VWDE: variants seen among roughly 807,000 people sequenced by gnomAD.
VWDE encodes von Willebrand factor D and EGF domain-containing protein.
A neutral mutation model predicts 178.4 loss-of-function variants in VWDE; 207 were observed. That is an observed-to-expected ratio of 1.16 (90% confidence interval 1.04 to 1.30). VWDE has a LOEUF of 1.30. VWDE is among the 50% of genes most tolerant of loss of function. The pLI is 0.00. For missense variants in VWDE, 2,287 were observed against 1,901.3 expected (o/e 1.20, Z -3.77); for synonymous variants, 738 against 651.4 (o/e 1.13, Z -2.02).
rs900241940 is a variant in VWDE at position 12,375,096 on chromosome 7, C to T, written c.1156G>A (p.Asp386Asn). Residue 386 changes from aspartate (D) to asparagine (N), a missense_variant, in exon 8 of 29, where the codon GAT becomes AAT. Asp to Asn is a conservative substitution (Grantham distance 23). Transcript: ENST00000275358. ...YYTAVTDFSR[D>N]GDRVSNIVVQ... ...ACAATGTTTGAGACTCTATCTCCAT[C>T]TCGAGAAAAATCTGTGACAGCAGTG... 4 of 1,551,164 alleles carry T rather than the reference C, an allele frequency of 2.6e-6. No individual in the cohort carries two copies. The African/African-American group carries it at 5.5e-5, about 21-fold the overall frequency.
At chr7:12,396,499 G>A (rs1370512267) in intron 1 of VWDE, among the ~76,000 whole-genome samples, 2 of 152,060 alleles carry the variant, frequency 1.3e-5, no homozygotes, top group Non-Finnish European at 2.9e-5. Context: ...AAAGATTTGA[G>A]AAAGAGAAAA....
At chr7:12,402,555 T>C (rs985001827) in intron 1 of VWDE, among the ~76,000 whole-genome samples, 1 of 152,168 alleles carries the variant, frequency 6.6e-6, no homozygotes, top group African/African-American at 2.4e-5. Context: ...AAACATGAAA[T>C]CATCTTCCTT....
Position 12,337,103 on chromosome 7 carries a change from A to T in VWDE, c.4463-20T>A. On this transcript the variant is annotated intron_variant, in intron 25 of 28. Coordinates refer to ENST00000275358, the MANE Select transcript of VWDE (RefSeq NM_001135924.3). ...AGATGCCTTAAGGTAAAAGCATGAAAAGTCAGCCCTTAAATTCAACAGTTT... is the reference window on the plus strand; with the variant it reads ...AGATGCCTTAAGGTAAAAGCATGAATAGTCAGCCCTTAAATTCAACAGTTT... The T allele has an allele frequency of 6.4e-7, 1 of 1,551,458 alleles. No individual in the cohort carries two copies. Among genetic ancestry groups the T allele is most frequent in the Non-Finnish European group, 8.7e-7 (1 of 1,146,774 alleles).
intron 21 of VWDE, 24 bp from the exon 22 acceptor site, chr7:12,343,202 A>T (rs1781421646): frequency 6.6e-7 from 1 of 1,503,836 alleles, no homozygotes; most frequent in Non-Finnish European, 9.0e-7. Context: ...TTATGTTATT[A>T]TGTCAGTTCT....
chr7:12,387,331 T>C (rs1164455223), intron 3 of VWDE, among the ~76,000 whole-genome samples: 1 of 151,964 alleles, frequency 6.6e-6, no homozygotes, highest in African/African-American at 2.4e-5. Flanking sequence ...TCATTGTTTT[T>C]ATGAAAAAAG....
At chr7:12,372,930 A>T in intron 10 of VWDE, 47 bp downstream of exon 10, 1 of 1,510,016 alleles carries the variant, frequency 6.6e-7, no homozygotes, top group Non-Finnish European at 8.9e-7. Context: ...GTTTATCTGA[A>T]AGGAGAAAAA....
Position 12,343,198 on chromosome 7 carries a change from T to C in VWDE, c.4079-20A>G, listed in dbSNP as rs1221379570. The C allele has an allele frequency of 2.6e-6, 4 of 1,520,800 alleles. No individual in the cohort carries two copies. The highest frequency in any genetic ancestry group is 4.0e-5 in the Admixed American group (2 of 49,942). The allele number at this position is 1,520,800 out of a possible 1,614,324, so 94.2% of individuals were successfully genotyped here. Reference sequence around the variant, plus strand: ...AATGTTCTGCAGAAACAGATTATGTTATTATGTCAGTTCTTAATTTTTAAA... The same window carrying C: ...AATGTTCTGCAGAAACAGATTATGTCATTATGTCAGTTCTTAATTTTTAAA... On this transcript the variant is annotated intron_variant, in intron 21 of 28. Coordinates refer to ENST00000275358, the MANE Select transcript of VWDE (RefSeq NM_001135924.3).
In VWDE at chr7:12,370,872, A is replaced by C; in HGVS notation, c.1588-8T>G. 6.6e-7 allele frequency: 1 copy of C among 1,506,086 alleles called. No homozygotes were observed. The highest frequency in any genetic ancestry group is 2.5e-5 in the East Asian group (1 of 40,254). The allele number at this position is 1,506,086 out of a possible 1,614,324, so 93.3% of individuals were successfully genotyped here. A position where few individuals can be genotyped will look rare whatever the true frequency, so the allele number is the denominator to read the frequency against. On this transcript the variant is annotated splice_region_variant and splice_polypyrimidine_tract_variant and intron_variant, in intron 10 of 28. Coordinates refer to ENST00000275358, the MANE Select transcript of VWDE (RefSeq NM_001135924.3). ...CCCAGAAGAAAACCAGATCTGAAAA[A>C]CAGAAATAAATACAGAAATAAAAGA...
chr7:12,387,246 T>C (rs1011820852), intron 3 of VWDE, among the ~76,000 whole-genome samples: 3 of 152,082 alleles, frequency 2.0e-5, no homozygotes, highest in Non-Finnish European at 4.4e-5. Flanking sequence ...CCAATAATGA[T>C]ATATTACATC....
At chr7:12,364,196 CGATA>C (rs542565688) in intron 13 of VWDE, among the ~76,000 whole-genome samples, 145 of 151,950 alleles carry the variant, frequency 9.5e-4, no homozygotes, top group Admixed American at 1.4e-3. Flanking sequence ...ATAGATAAAC[CGATA>C]GATAGGTAGT....
intron 3 of VWDE, among the ~76,000 whole-genome samples, chr7:12,384,607 G>A (rs748516023): frequency 1.3e-5 from 2 of 152,074 alleles, no homozygotes; most frequent in African/African-American, 4.8e-5. Context: ...GAGATTTACA[G>A]AGTATATGTG....
At position 12,370,045 on chromosome 7, in the gene VWDE, T is replaced by C. The variant is rs1330887285; in HGVS notation, c.2261A>G (p.Asn754Ser). Reference protein sequence around the residue: ...YNRQNRWKRQNFHEFPPLFAF... With the variant: ...YNRQNRWKRQSFHEFPPLFAF... ...AAACAAAGGAGGAAACTCATGAAAG[T>C]TCTGCCGTTTCCATCTGTTTTGTCG... The change falls in exon 12 of 29, where the codon AAC (asparagine) becomes AGC (serine). Residue 754 changes from asparagine to serine, a missense_variant. Asn to Ser is a conservative substitution (Grantham distance 46, BLOSUM62 1). Transcript: ENST00000275358. 2 of 1,551,552 alleles carry C rather than the reference T, an allele frequency of 1.3e-6. No homozygotes were observed. The highest frequency in any genetic ancestry group is 1.7e-6 in the Non-Finnish European group (2 of 1,146,908).
chr7:12,377,866 T>A lies in VWDE; in HGVS notation c.934A>T (p.Ile312Leu), dbSNP rs903542462. The change falls in exon 7 of 29, where the codon ATA becomes TTA. Residue 312 changes from isoleucine to leucine, a missense_variant. Ile to Leu is a conservative substitution (Grantham distance 5). Transcript: ENST00000275358. Reference protein sequence around the residue: ...SEDGKEYYLRIESTVPIICSE... With the variant: ...SEDGKEYYLRLESTVPIICSE... ...CAAATAATAGGAACTGTGCTTTCTA[T>A]CCTCAGGTAGTATTCTTTCCCATCC... 1.2e-5 allele frequency: 19 copies of A among 1,528,646 alleles called. No individual in the cohort carries two copies. Among genetic ancestry groups the A allele is most frequent in the South Asian group, 3.8e-5 (3 of 77,964 alleles). 94.7% of individuals were successfully genotyped at this position (1,528,646 alleles called of 1,614,324 possible).
At chr7:12,368,089 C>T (rs537560941) in intron 12 of VWDE, among the ~76,000 whole-genome samples, 6 of 150,626 alleles carry the variant, frequency 4.0e-5, no homozygotes, top group Non-Finnish European at 7.4e-5. Context: ...TTTTTTAAAG[C>T]CTGGGTTACT....
intron 7 of VWDE, among the ~76,000 whole-genome samples, chr7:12,376,908 C>T (rs1465591099): frequency 1.3e-5 from 2 of 151,864 alleles, no homozygotes; most frequent in African/African-American, 4.8e-5. Flanking sequence ...TCTCTCTCTC[C>T]TGGCTTTTTT....
intron 27 of VWDE, among the ~76,000 whole-genome samples, chr7:12,334,846 A>G (rs1780926849): frequency 1.3e-5 from 2 of 152,142 alleles, no homozygotes; most frequent in African/African-American, 4.8e-5. Flanking sequence ...CAGAACAAGC[A>G]CCCAAGTTGA....
Position 12,389,297 on chromosome 7 carries a change from G to T in VWDE, c.305C>A (p.Pro102Gln), listed in dbSNP as rs1391382084. ...CAATTGCTTGATCTCCCCAGGAGAT[G>T]GCAGTGTTTCTGAATCTCTCAGAGA... The part of the protein sequence containing the change: ...WLSLRDSETL[P>Q]SPGEIKQLTA... Residue 102 changes from proline (P) to glutamine (Q), a missense_variant, in exon 3 of 29, where the codon CCA becomes CAA. Physicochemically the swap from Pro to Gln is moderately conservative, Grantham distance 76. Coordinates refer to ENST00000275358, the MANE Select transcript of VWDE (RefSeq NM_001135924.3). The T allele has an allele frequency of 1.9e-6, 3 of 1,551,422 alleles. No individual in the cohort carries two copies. In the Admixed American group the frequency reaches 5.9e-5, roughly 30 times the overall value.
chr7:12,340,357 C>T lies in VWDE; in HGVS notation c.4331G>A (p.Cys1444Tyr), dbSNP rs781711766. The change falls in exon 24 of 29, where the codon TGT (cysteine) becomes TAT (tyrosine). Residue 1444 changes from cysteine (C) to tyrosine (Y), a missense_variant. Physicochemically the swap from Cys to Tyr is radical, Grantham distance 194. Coordinates refer to ENST00000275358, the MANE Select transcript of VWDE (RefSeq NM_001135924.3). ...GSCNKPNTCL[C>Y]PNGFFGEHCQ... ...GTGTTCCCCAAAGAATCCATTTGGA[C>T]AGAGGCAAGTATTTGGCTTATTACA... 6.4e-6 allele frequency: 10 copies of T among 1,551,340 alleles called. No homozygotes were observed. The highest frequency in any genetic ancestry group is 8.7e-6 in the Non-Finnish European group (10 of 1,146,866).
Position 12,356,350 on chromosome 7 carries a change from G to A in VWDE, c.3526-20C>T, listed in dbSNP as rs759497305. The A allele has an allele frequency of 6.5e-7, 1 of 1,531,994 alleles. No individual in the cohort carries two copies. The highest frequency in any genetic ancestry group is 1.2e-5 in the South Asian group (1 of 83,130). The allele number at this position is 1,531,994 out of a possible 1,614,324, so 94.9% of individuals were successfully genotyped here. A position where few individuals can be genotyped will look rare whatever the true frequency, so the allele number is the denominator to read the frequency against. On this transcript the variant is annotated intron_variant, in intron 17 of 28. Transcript: ENST00000275358. ...AGTCACCTACAAAACAAAAAAAAAG[G>A]AAATGTCTTATTTTTCAATAAAATT...
Sources: allele counts gnomAD v4.1 joint callset (sites outside exome capture counted in the v4.1 genomes callset), GRCh38; gene constraint gnomAD v4.1.1; transcripts MANE v1.5; gene names NCBI Gene and HGNC (gene_info 2026-07-23, HGNC 2026-07-21).